BBX: variants seen among roughly 807,000 people sequenced by gnomAD.
BBX encodes HMG box transcription factor BBX.
Under a neutral mutation model 100.2 loss-of-function variants are expected in BBX, and 30 were observed. The observed-to-expected ratio is 0.30, with a 90% confidence interval of 0.22 to 0.41. BBX has a LOEUF of 0.41. Ranked by LOEUF, BBX falls within the 10% of genes least tolerant of loss-of-function variation. The pLI, the probability that BBX is intolerant of heterozygous loss-of-function variation, is 1.00. For missense variants in BBX, 1,023 were observed against 1,129.8 expected, an observed-to-expected ratio of 0.91 and a Z score of 1.35; for synonymous variants, 376 against 388.1, an observed-to-expected ratio of 0.97 and a Z score of 0.37.
chr3:107,575,182 A>G (rs2051678728), intron 2 of BBX, among the ~76,000 whole-genome samples: 1 of 152,184 alleles, frequency 6.6e-6, no homozygotes, highest in African/African-American at 2.4e-5. Context: ...TTACTTGTCT[A>G]GTTGTATAAT....
At chr3:107,613,649 A>G (rs2107662447) in intron 2 of BBX, among the ~76,000 whole-genome samples, 1 of 152,128 alleles carries the variant, frequency 6.6e-6, no homozygotes, top group South Asian at 2.1e-4. Context: ...ATATCAGGGG[A>G]AAAAACCCAT....
intron 6 of BBX, among the ~76,000 whole-genome samples, chr3:107,730,584 G>A (rs934133057): frequency 1.9e-4 from 29 of 150,998 alleles, no homozygotes; most frequent in African/African-American, 6.6e-4. Flanking sequence ...CTTTTTTGAA[G>A]CACCGTTTCT....
chr3:107,683,736 C>A (rs2108012774), intron 3 of BBX, among the ~76,000 whole-genome samples: 1 of 152,284 alleles, frequency 6.6e-6, no homozygotes. Context: ...TCATACAAAA[C>A]TCTGTTTTAT....
At chr3:107,734,692 C>T (rs1214893071) in intron 7 of BBX, among the ~76,000 whole-genome samples, 1 of 152,136 alleles carries the variant, frequency 6.6e-6, no homozygotes, top group African/African-American at 2.4e-5. Flanking sequence ...CCTTCAAGTA[C>T]AAATGTAAAC....
intron 2 of BBX, among the ~76,000 whole-genome samples, chr3:107,530,725 G>C (rs1170049596): frequency 6.6e-6 from 1 of 152,126 alleles, no homozygotes; most frequent in Non-Finnish European, 1.5e-5. Context: ...TTTGACTGAG[G>C]TATATTATAA....
intron 3 of BBX, among the ~76,000 whole-genome samples, chr3:107,695,148 T>C (rs1482507660): frequency 7.9e-6 from 1 of 126,414 alleles, no homozygotes; most frequent in Non-Finnish European, 1.6e-5. Context: ...AAAAACCAGC[T>C]CCTGGATTCA....
chr3:107,532,835 G>A (rs1256446337), intron 2 of BBX, among the ~76,000 whole-genome samples: 2 of 152,058 alleles, frequency 1.3e-5, no homozygotes, highest in Non-Finnish European at 2.9e-5. Context: ...TTCCCACTTT[G>A]CTAAATTTTA....
chr3:107,716,806 T>C lies in BBX; in HGVS notation c.362T>C (p.Leu121Pro), dbSNP rs1435572043. The change falls in exon 5 of 18, where the codon CTT becomes CCT. Residue 121 changes from leucine (L) to proline (P), a missense_variant. By Grantham distance (98) the Leu-to-Pro change is moderately conservative. Around this residue, in one of 9 missense-constraint regions of BBX, gnomAD observed 229 missense variants for 226.3 expected, o/e 1.01. Transcript: ENST00000325805. ...TKILADWWAV[L>P]DPKEKQKYTD... is the part of the protein sequence containing the mutation. The stretch of plus-strand genomic sequence containing the variant: ...ATACTAGCTGATTGGTGGGCTGTTC[T>C]TGATCCAAAGGAAAAGCAGAAATAC... 6.2e-7 allele frequency: 1 copy of C among 1,613,684 alleles called. No homozygotes were observed. Among genetic ancestry groups the C allele is most frequent in the Non-Finnish European group, 8.5e-7 (1 of 1,179,676 alleles).
Position 107,809,619 on chromosome 3 carries a change from C to T in BBX, c.*4162C>T, listed in dbSNP as rs1397643180. ...TTCTACCTTCAGTGCCACTATTTTC[C>T]ACTGCAGTGTTTTGACTTCACAAAC... is the stretch of plus-strand genomic sequence containing the variant. On this transcript the variant is annotated 3_prime_UTR_variant, in exon 18 of 18. Coordinates refer to ENST00000325805, the MANE Select transcript of BBX (RefSeq NM_001142568.3). The T allele has an allele frequency of 6.6e-6, 1 of 152,188 alleles. No homozygotes were observed. The highest frequency in any genetic ancestry group is 2.4e-5 in the African/African-American group (1 of 41,440). 9.4% of individuals were successfully genotyped at this position (152,188 alleles called of 1,614,324 possible). A position where few individuals can be genotyped will look rare whatever the true frequency, so the allele number is the denominator to read the frequency against.
At chr3:107,599,355 A>G (rs1040971615) in intron 2 of BBX, 4 of 152,148 alleles carry the variant, frequency 2.6e-5, no homozygotes, top group Admixed American at 2.6e-4. Flanking sequence ...CTGTTCCCCT[A>G]TAAAGCTGGT....
At chr3:107,791,083 C>T (rs563132208) in intron 14 of BBX, among the ~76,000 whole-genome samples, 157 bp from the exon 15 acceptor site, 1 of 152,254 alleles carries the variant, frequency 6.6e-6, no homozygotes, top group East Asian at 1.9e-4. Context: ...TTTTAGTTGG[C>T]AAATACCATT....
intron 3 of BBX, among the ~76,000 whole-genome samples, chr3:107,662,403 T>C (rs2058499062): frequency 6.6e-6 from 1 of 152,288 alleles, no homozygotes; most frequent in Admixed American, 6.5e-5. Flanking sequence ...CTAACTTTAC[T>C]TCCAGTCTTA....
intron 2 of BBX, among the ~76,000 whole-genome samples, chr3:107,624,587 G>T (rs2056033244): frequency 6.6e-6 from 1 of 152,220 alleles, no homozygotes. Context: ...AAAAGTAGTT[G>T]GTCGGGCACA....
intron 10 of BBX, among the ~76,000 whole-genome samples, chr3:107,769,956 A>G (rs1308166423): frequency 6.6e-6 from 1 of 152,234 alleles, no homozygotes; most frequent in African/African-American, 2.4e-5. Flanking sequence ...ATTTACATGT[A>G]TAGTTTCACT....
rs533754642 is a variant in BBX at position 107,532,211 on chromosome 3, A to G, written c.-84+5813A>G. Among the ~76,000 whole-genome samples, 11 of 152,088 alleles carry G rather than the reference A, an allele frequency of 7.2e-5. No homozygotes were observed. The South Asian group carries it at 8.3e-4, about 11-fold the overall frequency. ...CCTGTCTCAAAAAAAAAACCAAAAC[A>G]AAAACATGTGACCAATGTTTACATA... is the stretch of plus-strand genomic sequence containing the variant. On this transcript the variant is annotated intron_variant, in intron 2 of 17. Transcript: ENST00000325805.
intron 3 of BBX, among the ~76,000 whole-genome samples, chr3:107,691,557 C>T (rs2060170839): frequency 1.3e-5 from 2 of 152,124 alleles, no homozygotes; most frequent in African/African-American, 4.8e-5. Context: ...AAATTTCACC[C>T]AGCATGACGC....
Position 107,798,589 on chromosome 3 carries a change from T to C in BBX, c.2420T>C (p.Phe807Ser). Residue 807 changes from phenylalanine (F) to serine (S), a missense_variant, in exon 16 of 18, where the codon TTC becomes TCC. Phe to Ser is a radical substitution (Grantham distance 155). Transcript: ENST00000325805. The part of the protein sequence containing the change: ...VHKVKNIPSI[F>S]NTPEPTTTQE... ...AAGGTTAAAAATATCCCATCCATTT[T>C]CAACACTCCAGAGCCAACAACAACG... 2 of 1,614,070 alleles carry C rather than the reference T, an allele frequency of 1.2e-6. No individual in the cohort carries two copies. Among genetic ancestry groups the C allele is most frequent in the South Asian group, 1.1e-5 (1 of 91,086 alleles).
intron 7 of BBX, among the ~76,000 whole-genome samples, chr3:107,734,811 CCTA>C (rs2063537514): frequency 6.6e-6 from 1 of 152,112 alleles, no homozygotes; most frequent in Non-Finnish European, 1.5e-5. Context: ...GAGAAGTTCT[CCTA>C]CTCCTTCTTA....
At chr3:107,543,127 G>A (rs1559792749) in intron 2 of BBX, among the ~76,000 whole-genome samples, 1 of 152,120 alleles carries the variant, frequency 6.6e-6, no homozygotes, top group Non-Finnish European at 1.5e-5. Context: ...AAGAAAATAG[G>A]TTTGGATTCA....
Sources: allele counts gnomAD v4.1 joint callset (sites outside exome capture counted in the v4.1 genomes callset), GRCh38; gene constraint gnomAD v4.1.1; regional missense constraint gnomAD v4.1.1; transcripts MANE v1.5; gene names NCBI Gene and HGNC (gene_info 2026-07-23, HGNC 2026-07-21).